The following RAPGEF5 variants were observed in gnomAD, a reference collection of about 807,000 sequenced individuals.
The protein encoded by RAPGEF5 is M-Ras-regulated GEF.
In RAPGEF5, 65 loss-of-function variants were observed where a neutral mutation model predicts 125.2. The ratio of observed to expected loss-of-function variants is 0.52; its 90% confidence interval spans 0.43 to 0.64. RAPGEF5 has a LOEUF of 0.64. Among genes scored for constraint, RAPGEF5 ranks in the 30% least tolerant of loss-of-function variants. RAPGEF5 has a pLI of 0.00. For missense variants in RAPGEF5, 958 were observed against 1,048.1 expected, an observed-to-expected ratio of 0.91 and a Z score of 1.19; for synonymous variants, 391 against 385.9, an observed-to-expected ratio of 1.01 and a Z score of -0.16.
intron 7 of RAPGEF5, among the ~76,000 whole-genome samples, chr7:22,248,233 A>G (rs575762125): frequency 2.0e-5 from 3 of 152,350 alleles, no homozygotes; most frequent in South Asian, 4.1e-4. Context: ...GATCATTCCA[A>G]CAAATGTGAT....
chr7:22,218,143 A>G (rs1284761642), intron 9 of RAPGEF5, among the ~76,000 whole-genome samples: 1 of 152,168 alleles, frequency 6.6e-6, no homozygotes, highest in Non-Finnish European at 1.5e-5. Flanking sequence ...GAACACAAGG[A>G]CACAGGAAGT....
intron 11 of RAPGEF5, among the ~76,000 whole-genome samples, chr7:22,185,152 T>A (rs1268665081): frequency 1.3e-5 from 2 of 152,204 alleles, no homozygotes; most frequent in Non-Finnish European, 2.9e-5. Flanking sequence ...GCAAAAATAA[T>A]CTTCGGGATA....
At position 22,277,348 on chromosome 7, in the gene RAPGEF5, C is replaced by A. The variant is rs577762155; in HGVS notation, c.748-10336G>T. 3.9e-5 allele frequency among the ~76,000 whole-genome samples: 6 copies of A among 152,286 alleles called. 2 individuals are homozygous for A. The highest frequency in any genetic ancestry group is 1.4e-4 in the African/African-American group (6 of 41,582). Reference sequence around the variant, plus strand: ...ATGGGTTCAAATTCAAATTCAAATCCAAATTCAAATTCTTGTATTTAACAA... The same window carrying A: ...ATGGGTTCAAATTCAAATTCAAATCAAAATTCAAATTCTTGTATTTAACAA... On this transcript the variant is annotated intron_variant, in intron 6 of 25. Coordinates refer to ENST00000665637, the MANE Select transcript of RAPGEF5 (RefSeq NM_012294.5).
intron 7 of RAPGEF5, among the ~76,000 whole-genome samples, chr7:22,265,216 C>T (rs1446856035): frequency 2.0e-5 from 3 of 151,892 alleles, no homozygotes; most frequent in South Asian, 2.1e-4. Flanking sequence ...AGAGAATTTA[C>T]TCCGTCTAAC....
intron 5 of RAPGEF5, among the ~76,000 whole-genome samples, chr7:22,294,394 AGT>A: frequency 6.6e-6 from 1 of 152,150 alleles, no homozygotes; most frequent in African/African-American, 2.4e-5. Flanking sequence ...TCCAGGGGAG[AGT>A]GCTGAGTCCT....
chr7:22,193,648 C>A (rs1176600131), intron 10 of RAPGEF5, 193 bp from the exon 11 acceptor site: 3 of 1,550,672 alleles, frequency 1.9e-6, no homozygotes. Context: ...GACCCTCAGC[C>A]GGGAGCTGCC....
intron 22 of RAPGEF5, 69 bp from the exon 23 acceptor site, chr7:22,136,194 CT>C: frequency 8.7e-7 from 1 of 1,152,200 alleles, no homozygotes; most frequent in Non-Finnish European, 1.3e-6. Context: ...CTAAATCCAC[CT>C]TTGCTACACA....
At chr7:22,127,860 T>C (rs1456210479) in intron 24 of RAPGEF5, among the ~76,000 whole-genome samples, 1 of 152,234 alleles carries the variant, frequency 6.6e-6, no homozygotes, top group Non-Finnish European at 1.5e-5. Flanking sequence ...GATTGAATTG[T>C]TGTCATAACC....
At chr7:22,219,769 G>T in intron 9 of RAPGEF5, 97 bp downstream of exon 9, 1 of 1,443,670 alleles carries the variant, frequency 6.9e-7, no homozygotes, top group South Asian at 1.6e-5. Context: ...AAAACCTAAA[G>T]AATTTAAAAT....
chr7:22,204,314 C>A lies in RAPGEF5; in HGVS notation c.997-10281G>T, dbSNP rs998084391. 1.4e-4 allele frequency among the ~76,000 whole-genome samples: 21 copies of A among 152,270 alleles called. No homozygotes were observed. The East Asian group carries it at 4.0e-3, about 29-fold the overall frequency. ...AGTTCTTATGTCTGAGCAGACCCAG[C>A]AGAAGTATTCTTCAAACTTAAAAAG... On this transcript the variant is annotated intron_variant, in intron 9 of 25. Transcript: ENST00000665637.
intron 17 of RAPGEF5, among the ~76,000 whole-genome samples, chr7:22,153,816 G>A (rs1783710053): frequency 6.6e-6 from 1 of 152,166 alleles, no homozygotes; most frequent in Non-Finnish European, 1.5e-5. Flanking sequence ...CAGCAACATT[G>A]AGATCTGACA....
At position 22,146,952 on chromosome 7, in the gene RAPGEF5, T is replaced by C. The variant is rs1215105777; in HGVS notation, c.1952A>G (p.Asp651Gly). 1 of 1,613,668 alleles carries C rather than the reference T, an allele frequency of 6.2e-7. No individual in the cohort carries two copies. Among genetic ancestry groups the C allele is most frequent in the Non-Finnish European group, 8.5e-7 (1 of 1,179,784 alleles). ...SMRILGMNTW[D>G]LALELMNFDW... is the part of the protein sequence containing the mutation. ...AAAATTCATTAATTCCAGAGCAAGA[T>C]CCCAAGTGTTCATTCCCAAAATCCT... The change falls in exon 19 of 26, where the codon GAT becomes GGT. Residue 651 changes from aspartate to glycine, a missense_variant. Physicochemically the swap from Asp to Gly is moderately conservative, Grantham distance 94. Coordinates refer to ENST00000665637, the MANE Select transcript of RAPGEF5 (RefSeq NM_012294.5).
chr7:22,339,643 T>A (rs1317907640), intron 1 of RAPGEF5, among the ~76,000 whole-genome samples: 1 of 152,234 alleles, frequency 6.6e-6, no homozygotes, highest in South Asian at 2.1e-4. Flanking sequence ...CTGCCTGCAG[T>A]ACACACAACA....
intron 1 of RAPGEF5, among the ~76,000 whole-genome samples, chr7:22,318,839 C>T (rs1216186006): frequency 6.6e-6 from 1 of 152,124 alleles, no homozygotes; most frequent in African/African-American, 2.4e-5. Context: ...AGGTGCAGCA[C>T]CTGGGTGCTC....
Position 22,130,447 on chromosome 7 carries a change from G to C in RAPGEF5, c.2481+590C>G, listed in dbSNP as rs564728990. Among the ~76,000 whole-genome samples the C allele has an allele frequency of 2.6e-4, 40 of 152,318 alleles. No homozygotes were observed. In the South Asian group the frequency reaches 7.9e-3, roughly 30 times the overall value. ...CCTGGGAACCTCTTGCTTGTAAGGA[G>C]GGAGGGTACTTTGCCTGAGCCGCTC... On this transcript the variant is annotated intron_variant, in intron 24 of 25. Transcript: ENST00000665637.
chr7:22,164,521 T>C (rs745964034), intron 12 of RAPGEF5, among the ~76,000 whole-genome samples: 4 of 152,244 alleles, frequency 2.6e-5, no homozygotes, highest in Non-Finnish European at 5.9e-5. Flanking sequence ...GATTATGGAC[T>C]AGCAGAATAA....
intron 7 of RAPGEF5, among the ~76,000 whole-genome samples, chr7:22,259,839 C>T (rs1782105045): frequency 6.6e-6 from 1 of 152,182 alleles, no homozygotes; most frequent in South Asian, 2.1e-4. Flanking sequence ...ACCTCGTGAT[C>T]CACCCACCTT....
chr7:22,257,734 G>A (rs987086244), intron 7 of RAPGEF5, among the ~76,000 whole-genome samples: 7 of 152,078 alleles, frequency 4.6e-5, no homozygotes, highest in African/African-American at 1.7e-4. Flanking sequence ...TATCTTGTTG[G>A]TTATTTTTAC....
At chr7:22,271,539 G>A (rs1004809375) in intron 6 of RAPGEF5, among the ~76,000 whole-genome samples, 36 of 152,170 alleles carry the variant, frequency 2.4e-4, no homozygotes, top group African/African-American at 8.4e-4. Flanking sequence ...AAAATTGCAA[G>A]GAGGCTTTTA....
Sources: allele counts gnomAD v4.1 joint callset (sites outside exome capture counted in the v4.1 genomes callset), GRCh38; gene constraint gnomAD v4.1.1; transcripts MANE v1.5; gene names NCBI Gene and HGNC (gene_info 2026-07-23, HGNC 2026-07-21).